Variants in GABRB1 observed in about 807,000 individuals in gnomAD.
GABRB1 encodes gamma-aminobutyric acid type A receptor subunit beta1.
GABRB1 carries 17 observed loss-of-function variants against 51.6 expected under a neutral mutation model. That is an observed-to-expected ratio of 0.33 (90% confidence interval 0.23 to 0.49). The LOEUF (loss-of-function observed/expected upper bound fraction) is 0.49. Among genes scored for constraint, GABRB1 ranks in the 20% least tolerant of loss-of-function variants. GABRB1 has a pLI of 0.99. For missense variants in GABRB1, 410 were observed against 600.6 expected (o/e 0.68, Z 3.32); for synonymous variants, 247 against 218.9 (o/e 1.13, Z -1.14).
rs572496620 is a variant in GABRB1 at position 47,090,313 on chromosome 4, A to T, written c.240+57829A>T. On this transcript the variant is annotated intron_variant, in intron 3 of 8. Coordinates refer to ENST00000295454, the MANE Select transcript of GABRB1 (RefSeq NM_000812.4). ...TAGGATTCTATTCCATCTATTTCAG[A>T]TTACAAAATTACTCAAAAATTGTTA... Among the ~76,000 whole-genome samples, 7 of 152,356 alleles carry T rather than the reference A, an allele frequency of 4.6e-5. No individual in the cohort carries two copies. In the East Asian group the frequency reaches 9.6e-4, roughly 21 times the overall value.
intron 3 of GABRB1, among the ~76,000 whole-genome samples, chr4:47,112,152 C>CTTGT (rs1008242335): frequency 6.6e-6 from 1 of 150,662 alleles, no homozygotes; most frequent in African/African-American, 2.4e-5. Flanking sequence ...TTTGTTTTTT[C>CTTGT]TTGTTTGTTT....
chr4:47,207,800 C>CTCCAAG, intron 4 of GABRB1, among the ~76,000 whole-genome samples: 1 of 151,924 alleles, frequency 6.6e-6, no homozygotes, highest in East Asian at 1.9e-4. Context: ...TGGCTTGGAA[C>CTCCAAG]TAATTTCAGT....
At chr4:47,292,529 G>GA (rs1375835448) in intron 4 of GABRB1, among the ~76,000 whole-genome samples, 1 of 152,218 alleles carries the variant, frequency 6.6e-6, no homozygotes, top group African/African-American at 2.4e-5. Context: ...AAGCTATTTT[G>GA]AAAAGAGTTT....
chr4:47,263,313 G>C (rs572603111), intron 4 of GABRB1, among the ~76,000 whole-genome samples: 1 of 152,152 alleles, frequency 6.6e-6, no homozygotes, highest in African/African-American at 2.4e-5. Flanking sequence ...GTGGATGCAA[G>C]GAGGATTACC....
intron 4 of GABRB1, among the ~76,000 whole-genome samples, chr4:47,302,203 A>C (rs1463836630): frequency 6.6e-6 from 1 of 152,148 alleles, no homozygotes; most frequent in Non-Finnish European, 1.5e-5. Flanking sequence ...AGGATTTAAA[A>C]AGATAATATA....
At chr4:47,416,306 A>T (rs1376099945) in intron 8 of GABRB1, among the ~76,000 whole-genome samples, 1 of 152,188 alleles carries the variant, frequency 6.6e-6, no homozygotes, top group African/African-American at 2.4e-5. Flanking sequence ...CTGGTAGGAA[A>T]TGAGGGCTGA....
At chr4:47,377,561 T>C (rs1395091051) in intron 5 of GABRB1, among the ~76,000 whole-genome samples, 1 of 152,076 alleles carries the variant, frequency 6.6e-6, no homozygotes, top group East Asian at 1.9e-4. Flanking sequence ...GAACAAAGCT[T>C]CCATAGTCTG....
chr4:47,245,419 C>T lies in GABRB1; in HGVS notation c.462-74708C>T, dbSNP rs377489523. On this transcript the variant is annotated intron_variant, in intron 4 of 8. Transcript: ENST00000295454. ...GATACCAATGTTCAATTATTCATCA[C>T]GTAAAATAGTCACACAAGGAACTGA... Among the ~76,000 whole-genome samples the T allele has an allele frequency of 9.4e-4, 143 of 152,178 alleles. 1 individual carries two copies. The highest frequency in any genetic ancestry group is 2.9e-3 in the African/African-American group (120 of 41,534).
chr4:47,160,837 A>C (rs528151274), intron 3 of GABRB1, among the ~76,000 whole-genome samples: 3 of 152,018 alleles, frequency 2.0e-5, no homozygotes, highest in African/African-American at 7.2e-5. Flanking sequence ...CCCAGGCTGG[A>C]GTACAGTGAC....
intron 3 of GABRB1, among the ~76,000 whole-genome samples, chr4:47,134,333 G>C (rs1370453122): frequency 6.6e-6 from 1 of 152,052 alleles, no homozygotes; most frequent in Non-Finnish European, 1.5e-5. Context: ...ACTAATAATT[G>C]GGGAGAGAAG....
intron 5 of GABRB1, among the ~76,000 whole-genome samples, chr4:47,392,790 G>T (rs1728049493): frequency 6.6e-6 from 1 of 152,218 alleles, no homozygotes; most frequent in Non-Finnish European, 1.5e-5. Flanking sequence ...TGAATGACTG[G>T]CATGGGTTAC....
chr4:47,369,938 T>C (rs181345110), intron 5 of GABRB1, among the ~76,000 whole-genome samples: 225 of 152,294 alleles, frequency 1.5e-3, no homozygotes, highest in African/African-American at 5.1e-3. Context: ...GTAATATTTG[T>C]CTTCCTTTTT....
At chr4:47,225,575 G>A (rs1330017720) in intron 4 of GABRB1, among the ~76,000 whole-genome samples, 2 of 151,964 alleles carry the variant, frequency 1.3e-5, no homozygotes, top group African/African-American at 4.8e-5. Context: ...AGTAAATTGT[G>A]GAAATTCCAG....
intron 4 of GABRB1, among the ~76,000 whole-genome samples, chr4:47,201,674 T>C (rs961998368): frequency 6.6e-6 from 1 of 152,154 alleles, no homozygotes; most frequent in Non-Finnish European, 1.5e-5. Context: ...TGCCTAAAAA[T>C]GTATTATTCA....
chr4:47,144,011 G>A (rs964245649), intron 3 of GABRB1, among the ~76,000 whole-genome samples: 8 of 151,852 alleles, frequency 5.3e-5, no homozygotes, highest in Admixed American at 2.0e-4. Context: ...TTTCATTGAT[G>A]GTATTTGATA....
intron 3 of GABRB1, among the ~76,000 whole-genome samples, chr4:47,045,614 A>G (rs1405947928): frequency 6.6e-6 from 1 of 151,914 alleles, no homozygotes; most frequent in African/African-American, 2.4e-5. Flanking sequence ...GTGTCTGTTG[A>G]GGGGCTACTG....
intron 1 of GABRB1, among the ~76,000 whole-genome samples, chr4:47,016,957 C>T (rs904169813): frequency 6.6e-6 from 1 of 152,110 alleles, no homozygotes; most frequent in Non-Finnish European, 1.5e-5. Flanking sequence ...AGTTTTTGAA[C>T]TAGGTGCTAA....
Position 47,032,130 on chromosome 4 carries a change from A to G in GABRB1, c.172+125A>G, listed in dbSNP as rs112951462. 8.4e-4 allele frequency: 423 copies of G among 500,780 alleles called. 1 individual carries two copies. The highest frequency in any genetic ancestry group is 9.9e-4 in the Non-Finnish European group (285 of 288,980). 31.0% of individuals were successfully genotyped at this position (500,780 alleles called of 1,614,324 possible). ...CGTAAGCGTGCACTATACCCTGGGC[A>G]CACACACACACACACACACACACAC... On this transcript the variant is annotated intron_variant, in intron 2 of 8. Coordinates refer to ENST00000295454, the MANE Select transcript of GABRB1 (RefSeq NM_000812.4).
intron 3 of GABRB1, among the ~76,000 whole-genome samples, chr4:47,075,074 T>C (rs992162167): frequency 2.0e-5 from 3 of 152,198 alleles, no homozygotes; most frequent in African/African-American, 7.2e-5. Context: ...GTATAAGTCA[T>C]TTCTGTTTCA....
Sources: allele counts gnomAD v4.1 joint callset (sites outside exome capture counted in the v4.1 genomes callset), GRCh38; gene constraint gnomAD v4.1.1; transcripts MANE v1.5; gene names NCBI Gene and HGNC (gene_info 2026-07-23, HGNC 2026-07-21).